SERPINA6: variants seen among roughly 807,000 people sequenced by gnomAD.
The protein encoded by SERPINA6 is corticosteroid-binding globulin.
Under a neutral mutation model 26.4 loss-of-function variants are expected in SERPINA6, and 19 were observed. The observed-to-expected ratio is 0.72, with a 90% CI of 0.50 to 1.06. The LOEUF (loss-of-function observed/expected upper bound fraction) is 1.06. SERPINA6 is among the 50% of genes least tolerant of loss of function. SERPINA6 has a pLI of 0.00. For synonymous variants in SERPINA6, 196 were observed against 199.4 expected, an observed-to-expected ratio of 0.98 and a Z score of 0.14; for missense variants, 473 against 504.0, an observed-to-expected ratio of 0.94 and a Z score of 0.59.
In SERPINA6 at chr14:94,314,568, A is replaced by C. The variant is rs141581426; in HGVS notation, c.81T>G (p.Ala27=). ...GATGGTTACTCATGTTCACATAAGC[A>C]GCGTTAGGATCCATGGCCTGGACGG... ...LWTVQAMDPN[A]AYVNMSNHHR... The change falls in exon 2 of 5, where the codon GCT becomes GCG. Residue 27 remains alanine, a synonymous_variant. Transcript: ENST00000341584. 10 of 1,614,122 alleles carry C rather than the reference A, an allele frequency of 6.2e-6. No homozygotes were observed. In the African/African-American group the frequency reaches 1.1e-4, roughly 17 times the overall value.
rs1353331345 is a variant in SERPINA6 at position 94,304,479 on chromosome 14, A to G, written c.1157T>C (p.Met386Thr). 1.2e-6 allele frequency: 2 copies of G among 1,613,700 alleles called. No homozygotes were observed. The highest frequency in any genetic ancestry group is 8.5e-7 in the Non-Finnish European group (1 of 1,179,700). ...GCTCCAGGTGAAGTGGTCGAAGATC[A>G]TGATGATGAAGGGCTGGTTGAAACG... Reference protein sequence around the residue: ...ILRFNQPFIIMIFDHFTWSSL... With the variant: ...ILRFNQPFIITIFDHFTWSSL... Residue 386 changes from methionine to threonine, a missense_variant, in exon 5 of 5, where the codon ATG (methionine) becomes ACG (threonine). Transcript: ENST00000341584.
At chr14:94,320,885 C>T (rs764013590) in intron 1 of SERPINA6, among the ~76,000 whole-genome samples, 4 of 152,176 alleles carry the variant, frequency 2.6e-5, no homozygotes, top group African/African-American at 2.4e-5. Flanking sequence ...CCCCACTCCC[C>T]GCACCCAAAT....
At position 94,314,567 on chromosome 14, in the gene SERPINA6, C is replaced by T; in HGVS notation, c.82G>A (p.Ala28Thr). Residue 28 changes from alanine to threonine, a missense_variant, in exon 2 of 5, where the codon GCT (alanine) becomes ACT (threonine). Ala to Thr is a moderately conservative substitution (Grantham distance 58). Transcript: ENST00000341584. ...WTVQAMDPNA[A>T]YVNMSNHHRG... ...TGATGGTTACTCATGTTCACATAAG[C>T]AGCGTTAGGATCCATGGCCTGGACG... 2 of 1,614,212 alleles carry T rather than the reference C, an allele frequency of 1.2e-6. No homozygotes were observed. Among genetic ancestry groups the T allele is most frequent in the Non-Finnish European group, 1.7e-6 (2 of 1,180,046 alleles).
intron 1 of SERPINA6, among the ~76,000 whole-genome samples, chr14:94,321,870 G>A (rs529540859): frequency 2.6e-5 from 4 of 152,260 alleles, no homozygotes; most frequent in South Asian, 2.1e-4. Context: ...GGCCCTGTGC[G>A]GTATGATGCC....
chr14:94,316,944 G>A lies in SERPINA6; in HGVS notation c.-19-2277C>T, dbSNP rs188737151. Among the ~76,000 whole-genome samples the A allele has an allele frequency of 1.0e-3, 152 of 152,220 alleles. No homozygotes were observed. The East Asian group carries it at 0.02, about 20-fold the overall frequency. ...GTGGAGCTGCACCATTGGCTCCTCCGGTTGTCAGGCCTTCAGACTCAGACT... is the reference window on the plus strand; with the variant it reads ...GTGGAGCTGCACCATTGGCTCCTCCAGTTGTCAGGCCTTCAGACTCAGACT... On this transcript the variant is annotated intron_variant, in intron 1 of 4. Transcript: ENST00000341584.
chr14:94,312,327 A>T (rs990644017), intron 2 of SERPINA6, among the ~76,000 whole-genome samples: 2 of 152,022 alleles, frequency 1.3e-5, no homozygotes, highest in Non-Finnish European at 2.9e-5. Context: ...CACCCATTCC[A>T]CCACATGTGC....
At chr14:94,321,289 A>G (rs1895682110) in intron 1 of SERPINA6, among the ~76,000 whole-genome samples, 1 of 152,070 alleles carries the variant, frequency 6.6e-6, no homozygotes, top group Non-Finnish European at 1.5e-5. Context: ...CAAAAATTCA[A>G]GCTGATCGGT....
Position 94,313,744 on chromosome 14 carries a change from TC to T in SERPINA6, c.613+291del, listed in dbSNP as rs1895567150. ...CAGTCCCTGGCCCAGTGCTTGACAGTCAGCATTTGTGGAGCATGAAGCAGCC... is the reference window on the plus strand; with the variant it reads ...CAGTCCCTGGCCCAGTGCTTGACAGTAGCATTTGTGGAGCATGAAGCAGCC... On this transcript the variant is annotated intron_variant, in intron 2 of 4. Coordinates refer to ENST00000341584, the MANE Select transcript of SERPINA6 (RefSeq NM_001756.4). The T allele has an allele frequency of 3.0e-5, 17 of 558,076 alleles. 1 individual carries two copies. In the South Asian group the frequency reaches 3.1e-4, roughly 10 times the overall value. 34.6% of individuals were successfully genotyped at this position (558,076 alleles called of 1,614,324 possible).
At chr14:94,317,644 A>T (rs1228881898) in intron 1 of SERPINA6, among the ~76,000 whole-genome samples, 2 of 152,148 alleles carry the variant, frequency 1.3e-5, no homozygotes, top group African/African-American at 4.8e-5. Context: ...TGTGACAAGG[A>T]CCCCGTGTTT....
chr14:94,309,271 A>C (rs1294315004), intron 3 of SERPINA6, among the ~76,000 whole-genome samples: 1 of 151,894 alleles, frequency 6.6e-6, no homozygotes, highest in East Asian at 1.9e-4. Flanking sequence ...TGAGTAACTT[A>C]AGAACCATTC....
chr14:94,320,579 A>G (rs1167666978), intron 1 of SERPINA6, among the ~76,000 whole-genome samples: 3 of 152,222 alleles, frequency 2.0e-5, no homozygotes, highest in African/African-American at 7.2e-5. Context: ...TTCTTTGCTC[A>G]AATAAACTCT....
At chr14:94,315,687 G>C (rs1566728880) in intron 1 of SERPINA6, among the ~76,000 whole-genome samples, 1 of 152,148 alleles carries the variant, frequency 6.6e-6, no homozygotes, top group Admixed American at 6.5e-5. Flanking sequence ...AAAGAGAGCA[G>C]GGGTGACTAC....
chr14:94,317,607 G>A (rs190065952), intron 1 of SERPINA6, among the ~76,000 whole-genome samples: 172 of 152,310 alleles, frequency 1.1e-3, no homozygotes, highest in Non-Finnish European at 2.0e-3. Flanking sequence ...ACCTCAAAGT[G>A]TCTGTGAGCC....
In SERPINA6 at chr14:94,306,065, A is replaced by G; in HGVS notation, c.1032+6T>C. 6.2e-7 allele frequency: 1 copy of G among 1,614,156 alleles called. No individual in the cohort carries two copies. The highest frequency in any genetic ancestry group is 8.5e-7 in the Non-Finnish European group (1 of 1,180,022). ...GGAAGAAAAGGTGGGTTCCCATGACATTTACCTTTGATGACTTCAGCTGGG... is the reference window on the plus strand; with the variant it reads ...GGAAGAAAAGGTGGGTTCCCATGACGTTTACCTTTGATGACTTCAGCTGGG... On this transcript the variant is annotated splice_donor_region_variant and intron_variant, in intron 4 of 4. Coordinates refer to ENST00000341584, the MANE Select transcript of SERPINA6 (RefSeq NM_001756.4).
At chr14:94,312,836 T>C (rs578259418) in intron 2 of SERPINA6, among the ~76,000 whole-genome samples, 36 of 139,352 alleles carry the variant, frequency 2.6e-4, no homozygotes, top group Non-Finnish European at 5.1e-4. Flanking sequence ...GAGAGAGAGC[T>C]GGGGAGGAGG....
rs374926595 is a variant in SERPINA6, at chr14:94,322,997, C to T, written c.-20+270G>A. ...TAGGAGCATCAATCATGGCAGTGGA[C>T]GAGAATGGTTCTTAGCTACAGCCCT... is the stretch of plus-strand genomic sequence containing the variant. On this transcript the variant is annotated intron_variant, in intron 1 of 4. Coordinates refer to ENST00000341584, the MANE Select transcript of SERPINA6 (RefSeq NM_001756.4). Among the ~76,000 whole-genome samples the T allele has an allele frequency of 2.2e-4, 33 of 152,274 alleles. No individual in the cohort carries two copies. In the East Asian group the frequency reaches 3.5e-3, roughly 16 times the overall value.
intron 2 of SERPINA6, among the ~76,000 whole-genome samples, chr14:94,313,259 A>G (rs575043362): frequency 5.9e-5 from 9 of 152,362 alleles, no homozygotes; most frequent in African/African-American, 2.2e-4. Context: ...CAAAATGTCC[A>G]CATTCTAATC....
intron 3 of SERPINA6, among the ~76,000 whole-genome samples, chr14:94,308,122 C>G (rs74444476): frequency 1.3e-5 from 2 of 152,214 alleles, no homozygotes; most frequent in African/African-American, 2.4e-5. Flanking sequence ...AGGCCACTTC[C>G]CCCTGGCTGA....
At position 94,304,333 on chromosome 14, in the gene SERPINA6, G is replaced by T; in HGVS notation, c.*85C>A. 1 of 1,378,052 alleles carries T rather than the reference G, an allele frequency of 7.3e-7. No individual in the cohort carries two copies. The allele number at this position is 1,378,052 out of a possible 1,614,324, so 85.4% of individuals were successfully genotyped here. ...GGAGAAGAACTTGGAGGAGATTGGG[G>T]GAAACCTCCCGCTCTCCAAAACATT... is the stretch of plus-strand genomic sequence containing the variant. On this transcript the variant is annotated 3_prime_UTR_variant, in exon 5 of 5. Coordinates refer to ENST00000341584, the MANE Select transcript of SERPINA6 (RefSeq NM_001756.4).
Sources: allele counts gnomAD v4.1 joint callset (sites outside exome capture counted in the v4.1 genomes callset), GRCh38; gene constraint gnomAD v4.1.1; transcripts MANE v1.5; gene names NCBI Gene and HGNC (gene_info 2026-07-23, HGNC 2026-07-21).